Variants in UBLCP1 observed in about 807,000 individuals in gnomAD.
UBLCP1 encodes the protein ubiquitin like domain containing CTD phosphatase 1.
A neutral mutation model predicts 42.4 loss-of-function variants in UBLCP1; 28 were observed. The observed-to-expected ratio is 0.66, with a 90% CI of 0.49 to 0.90. UBLCP1 has a LOEUF of 0.90. UBLCP1 is among the 40% of genes least tolerant of loss of function. The pLI, the probability that UBLCP1 is intolerant of heterozygous loss-of-function variation, is 0.00. For synonymous variants in UBLCP1, 122 were observed against 120.8 expected, an observed-to-expected ratio of 1.01 and a Z score of -0.07; for missense variants, 279 against 374.5, an observed-to-expected ratio of 0.75 and a Z score of 2.10.
intron 10 of UBLCP1, 53 bp from the exon 11 acceptor site, chr5:159,284,851 C>G: frequency 6.3e-7 from 1 of 1,596,890 alleles, no homozygotes. Context: ...GTTAGGTTAT[C>G]TTCATGAATT....
At chr5:159,273,781 A>C (rs1033394045) in intron 6 of UBLCP1, among the ~76,000 whole-genome samples, 1 of 151,020 alleles carries the variant, frequency 6.6e-6, no homozygotes, top group Non-Finnish European at 1.5e-5. Flanking sequence ...GTATGTGTGC[A>C]TGCTGAAGAT....
intron 1 of UBLCP1, among the ~76,000 whole-genome samples, chr5:159,263,893 C>A (rs1010085314): frequency 6.6e-5 from 10 of 152,162 alleles, no homozygotes; most frequent in African/African-American, 2.2e-4. Context: ...CTTCATTTGC[C>A]ACTTTTTAGG....
intron 8 of UBLCP1, among the ~76,000 whole-genome samples, chr5:159,278,016 G>T (rs931771086): frequency 6.6e-6 from 1 of 151,726 alleles, no homozygotes; most frequent in Non-Finnish European, 1.5e-5. Flanking sequence ...TTTTATAATG[G>T]GTTTAGTTCA....
intron 9 of UBLCP1, among the ~76,000 whole-genome samples, chr5:159,279,540 CAA>C (rs74923446): frequency 0.26 from 39,782 of 151,926 alleles, 5,884 homozygotes; most frequent in East Asian, 0.33. Flanking sequence ...TTTTAAAAGA[CAA>C]GAGAGAAAAA....
chr5:159,278,806 C>G (rs1044190894), intron 9 of UBLCP1, among the ~76,000 whole-genome samples: 2 of 152,078 alleles, frequency 1.3e-5, no homozygotes, highest in African/African-American at 4.8e-5. Flanking sequence ...CTCCTGTCCT[C>G]GTGATCTGCC....
intron 9 of UBLCP1, among the ~76,000 whole-genome samples, chr5:159,279,032 T>A (rs868553272): frequency 2.2e-4 from 34 of 152,320 alleles, no homozygotes; most frequent in African/African-American, 7.9e-4. Flanking sequence ...GGGTACTTTG[T>A]TTTTTCTTTT....
chr5:159,273,084 A>G (rs928925238), intron 6 of UBLCP1, among the ~76,000 whole-genome samples: 2 of 152,118 alleles, frequency 1.3e-5, no homozygotes, highest in African/African-American at 4.8e-5. Context: ...TTCATTTTGT[A>G]TTTTTCCTTA....
intron 9 of UBLCP1, among the ~76,000 whole-genome samples, chr5:159,279,037 T>C (rs1457810845): frequency 6.6e-6 from 1 of 152,264 alleles, no homozygotes. Flanking sequence ...CTTTGTTTTT[T>C]CTTTTTAAAC....
chr5:159,265,171 A>G (rs534051102), intron 1 of UBLCP1, among the ~76,000 whole-genome samples: 1 of 152,352 alleles, frequency 6.6e-6, no homozygotes, highest in Non-Finnish European at 1.5e-5. Context: ...ATGAGTAAAT[A>G]TAAATATGAA....
chr5:159,285,713 A>C lies in UBLCP1; in HGVS notation c.*782A>C, dbSNP rs1289253015. On this transcript the variant is annotated 3_prime_UTR_variant, in exon 11 of 11. Transcript: ENST00000296786. ...TAAAACCATTGTCATAAAAGCAGTT[A>C]AAGGCAATAAATTTTTAAAAGGGAC... 1 of 152,416 alleles carries C rather than the reference A, an allele frequency of 6.6e-6. No individual in the cohort carries two copies. The highest frequency in any genetic ancestry group is 1.5e-5 in the Non-Finnish European group (1 of 68,030). The allele number at this position is 152,416 out of a possible 1,614,324, so 9.4% of individuals were successfully genotyped here.
Position 159,269,011 on chromosome 5 carries a change from C to G in UBLCP1, c.96C>G (p.Leu32=). 6.2e-7 allele frequency: 1 copy of G among 1,610,966 alleles called. No homozygotes were observed. The highest frequency in any genetic ancestry group is 8.5e-7 in the Non-Finnish European group (1 of 1,178,868). The stretch of plus-strand genomic sequence containing the variant: ...CTGTGCTCGATCTCAAACAGTTTCT[C>G]AAGACCCTTACAGGAGTTCTTCCAG... The part of the protein sequence containing the change: ...DDTVLDLKQF[L]KTLTGVLPER... Residue 32 remains leucine (L), a synonymous_variant, in exon 2 of 11, where the codon CTC becomes CTG. Transcript: ENST00000296786.
chr5:159,278,192 T>C, intron 8 of UBLCP1, 46 bp from the exon 9 acceptor site: 2 of 1,347,874 alleles, frequency 1.5e-6, no homozygotes, highest in Non-Finnish European at 1.1e-6. Flanking sequence ...TAAGACAGGA[T>C]GAAATATTGA....
intron 10 of UBLCP1, 138 bp from the exon 11 acceptor site, chr5:159,284,766 A>T: frequency 1.2e-6 from 1 of 829,742 alleles, no homozygotes; most frequent in Non-Finnish European, 2.0e-6. Context: ...GCACATAATC[A>T]GTAGATGTAA....
intron 7 of UBLCP1, 113 bp from the exon 8 acceptor site, chr5:159,275,035 G>C (rs1753516235): frequency 1.1e-5 from 9 of 819,500 alleles, no homozygotes; most frequent in Non-Finnish European, 1.8e-5. Context: ...GCAAGATGTA[G>C]TGGCCAGTGG....
chr5:159,270,538 C>T lies in UBLCP1; in HGVS notation c.343C>T (p.Leu115=), dbSNP rs1753450952. Residue 115 remains leucine, a synonymous_variant, in exon 5 of 11, where the codon CTA becomes TTA. Transcript: ENST00000296786. The part of the protein sequence containing the change: ...VVEVENREEN[L]LKISRRVKEY... ...TATGTTTTCCATTAGGGAAGAAAACCTACTGAAAATTTCTCGCAGAGTGAA... is the reference window on the plus strand; with the variant it reads ...TATGTTTTCCATTAGGGAAGAAAACTTACTGAAAATTTCTCGCAGAGTGAA... The T allele has an allele frequency of 1.9e-6, 3 of 1,609,036 alleles. No individual in the cohort carries two copies. The highest frequency in any genetic ancestry group is 3.4e-5 in the Admixed American group (2 of 58,944).
In UBLCP1 at chr5:159,274,587, G is replaced by A; in HGVS notation, c.550G>A (p.Ala184Thr). ...TATTATCATTCCTCGTGTTTTAGCTGCAACAAATATGAAGTGGATTGAAGC... is the reference window on the plus strand; with the variant it reads ...TATTATCATTCCTCGTGTTTTAGCTACAACAAATATGAAGTGGATTGAAGC... ...YEDYDIVIWS[A>T]TNMKWIEAKM... Residue 184 changes from alanine to threonine, a missense_variant and splice_region_variant, in exon 7 of 11, where the codon GCA (alanine) becomes ACA (threonine). Physicochemically the swap from Ala to Thr is moderately conservative, Grantham distance 58 (BLOSUM62 0). Coordinates refer to ENST00000296786, the MANE Select transcript of UBLCP1 (RefSeq NM_145049.5). The A allele has an allele frequency of 6.2e-7, 1 of 1,610,476 alleles. No individual in the cohort carries two copies.
chr5:159,282,072 C>T (rs1329167465), intron 9 of UBLCP1, among the ~76,000 whole-genome samples: 1 of 152,020 alleles, frequency 6.6e-6, no homozygotes, highest in Non-Finnish European at 1.5e-5. Flanking sequence ...ATGTAGATAT[C>T]ATTCAGTTTA....
intron 1 of UBLCP1, among the ~76,000 whole-genome samples, chr5:159,263,615 C>G (rs940908236): frequency 6.6e-6 from 1 of 152,204 alleles, no homozygotes; most frequent in East Asian, 1.9e-4. Flanking sequence ...CTTCATTCCT[C>G]CGTCTTCTCA....
intron 1 of UBLCP1, among the ~76,000 whole-genome samples, chr5:159,264,698 T>A (rs1297692712): frequency 2.0e-5 from 3 of 152,246 alleles, no homozygotes; most frequent in Non-Finnish European, 2.9e-5. Context: ...TGAGGAGGAC[T>A]GACCTTGTTA....
Sources: gnomAD v4.1 joint callset for allele counts (sites outside exome capture counted in the v4.1 genomes callset) on GRCh38, gnomAD v4.1.1 for gene constraint, MANE v1.5 for transcripts, NCBI Gene and HGNC (gene_info 2026-07-23, HGNC 2026-07-21) for gene names.